The following DLG2 variants were observed in gnomAD, a reference collection of about 807,000 sequenced individuals.
DLG2 encodes discs large MAGUK scaffold protein 2.
In DLG2, 45 loss-of-function variants were observed where a neutral mutation model predicts 132.5. The ratio of observed to expected loss-of-function variants is 0.34; its 90% CI spans 0.27 to 0.44. The LOEUF (loss-of-function observed/expected upper bound fraction) is 0.44, where lower values mean the gene tolerates loss of function less well. DLG2 is among the 20% of genes least tolerant of loss of function. The pLI, the probability that DLG2 is intolerant of heterozygous loss-of-function variation, is 1.00. For synonymous variants in DLG2, 424 were observed against 419.6 expected (o/e 1.01, Z -0.13); for missense variants, 1,045 against 1,196.9 (o/e 0.87, Z 1.87).
chr11:83,536,901 A>G (rs983552176), intron 20 of DLG2, among the ~76,000 whole-genome samples: 2 of 152,144 alleles, frequency 1.3e-5, no homozygotes, highest in Admixed American at 6.5e-5. Flanking sequence ...TCTAGGTAAA[A>G]GTCTAGCATC....
chr11:85,390,954 A>G (rs2086746193), intron 3 of DLG2, among the ~76,000 whole-genome samples: 2 of 152,092 alleles, frequency 1.3e-5, no homozygotes, highest in Admixed American at 6.6e-5. Flanking sequence ...GCAGAACTAA[A>G]TGAAATTGAA....
At chr11:85,363,536 G>C (rs1173988635) in intron 3 of DLG2, among the ~76,000 whole-genome samples, 5 of 152,184 alleles carry the variant, frequency 3.3e-5, no homozygotes, top group Non-Finnish European at 7.4e-5. Context: ...ATAATACACA[G>C]ACATTCATCT....
intron 6 of DLG2, among the ~76,000 whole-genome samples, chr11:84,642,365 T>C (rs2099668465): frequency 2.6e-5 from 4 of 151,932 alleles, no homozygotes; most frequent in Admixed American, 2.0e-4. Flanking sequence ...CTAAATTGCA[T>C]AGGAATAAAT....
chr11:83,608,342 T>C (rs966927160), intron 19 of DLG2, among the ~76,000 whole-genome samples: 1 of 151,798 alleles, frequency 6.6e-6, no homozygotes, highest in Non-Finnish European at 1.5e-5. Context: ...GCCAGTAATG[T>C]TTTAGATTTC....
chr11:84,596,192 C>CTG (rs2099556497), intron 6 of DLG2, among the ~76,000 whole-genome samples: 2 of 144,060 alleles, frequency 1.4e-5, no homozygotes, highest in Non-Finnish European at 3.0e-5. Flanking sequence ...TTTTCTCTGT[C>CTG]TCTCTCTCTC....
intron 3 of DLG2, among the ~76,000 whole-genome samples, chr11:85,568,014 A>ATT (rs35453793): frequency 7.2e-4 from 98 of 135,938 alleles, no homozygotes; most frequent in African/African-American, 2.3e-3. Flanking sequence ...GTGCTACTAG[A>ATT]TTTTTTTTTT....
At chr11:84,370,972 C>A (rs2098703923) in intron 7 of DLG2, among the ~76,000 whole-genome samples, 1 of 152,108 alleles carries the variant, frequency 6.6e-6, no homozygotes, top group Non-Finnish European at 1.5e-5. Flanking sequence ...GTGCCCACCA[C>A]ATTCTCAGTC....
intron 6 of DLG2, among the ~76,000 whole-genome samples, chr11:84,724,907 T>A (rs1247298221): frequency 6.6e-6 from 1 of 152,158 alleles, no homozygotes; most frequent in Non-Finnish European, 1.5e-5. Context: ...TATCTAATGT[T>A]CTCATGGTGG....
At chr11:84,203,387 C>G (rs965808115) in intron 8 of DLG2, among the ~76,000 whole-genome samples, 2 of 151,982 alleles carry the variant, frequency 1.3e-5, no homozygotes, top group Non-Finnish European at 2.9e-5. Flanking sequence ...TGGAGACCAT[C>G]CTGGCTAACA....
intron 3 of DLG2, among the ~76,000 whole-genome samples, chr11:85,425,478 T>C (rs2090641721): frequency 6.6e-6 from 1 of 152,158 alleles, no homozygotes; most frequent in Non-Finnish European, 1.5e-5. Context: ...TTTGAGGTTA[T>C]GGTAAAAGTG....
chr11:85,607,618 T>G (rs1591264428), intron 2 of DLG2, among the ~76,000 whole-genome samples: 1 of 152,316 alleles, frequency 6.6e-6, no homozygotes, highest in African/African-American at 2.4e-5. Context: ...TACCTTCTTT[T>G]GGCACCTGGG....
chr11:84,751,250 G>C (rs1397834803), intron 6 of DLG2, among the ~76,000 whole-genome samples: 1 of 152,130 alleles, frequency 6.6e-6, no homozygotes, highest in Non-Finnish European at 1.5e-5. Flanking sequence ...GACTGGATCA[G>C]ATACTGTTCT....
At chr11:85,464,221 C>T (rs115372804) in intron 3 of DLG2, among the ~76,000 whole-genome samples, 49 of 152,252 alleles carry the variant, frequency 3.2e-4, no homozygotes, top group African/African-American at 1.1e-3. Flanking sequence ...ATTTTGTAAT[C>T]ACCAGATGGA....
At chr11:83,753,777 T>TATATATTTC (rs1287099871) in intron 18 of DLG2, among the ~76,000 whole-genome samples, 8 of 131,580 alleles carry the variant, frequency 6.1e-5, no homozygotes, top group African/African-American at 2.6e-4. Flanking sequence ...TGATATGGCA[T>TATATATTTC]ATATATGTCA....
At chr11:84,601,153 G>A (rs2099575789) in intron 6 of DLG2, among the ~76,000 whole-genome samples, 2 of 151,976 alleles carry the variant, frequency 1.3e-5, no homozygotes, top group African/African-American at 2.4e-5. Context: ...GCAAGAATAA[G>A]GAGAAATTAT....
intron 6 of DLG2, among the ~76,000 whole-genome samples, chr11:85,045,144 C>T (rs1343389994): frequency 6.6e-6 from 1 of 151,984 alleles, no homozygotes; most frequent in Non-Finnish European, 1.5e-5. Flanking sequence ...CAGTGCTCTC[C>T]AAGGGTCTGA....
chr11:85,613,199 C>T (rs1194584734), intron 2 of DLG2, among the ~76,000 whole-genome samples: 3 of 152,160 alleles, frequency 2.0e-5, no homozygotes, highest in Non-Finnish European at 4.4e-5. Flanking sequence ...GTATTTTTAA[C>T]CTGCTTGTCA....
At chr11:85,096,834 G>A (rs971850558) in intron 6 of DLG2, among the ~76,000 whole-genome samples, 6 of 152,250 alleles carry the variant, frequency 3.9e-5, no homozygotes, top group East Asian at 1.9e-4. Context: ...AGAGATTAGC[G>A]TGGCCACTGG....
At chr11:83,710,298 G>A (rs1015501810) in intron 18 of DLG2, among the ~76,000 whole-genome samples, 20 of 151,998 alleles carry the variant, frequency 1.3e-4, no homozygotes, top group African/African-American at 4.8e-4. Context: ...AAGTAGCTTG[G>A]ACTACAGGTA....
Sources: allele counts gnomAD v4.1 joint callset (sites outside exome capture counted in the v4.1 genomes callset), GRCh38; gene constraint gnomAD v4.1.1; transcripts MANE v1.5; gene names NCBI Gene and HGNC (gene_info 2026-07-23, HGNC 2026-07-21).